Variants in OTUD7B observed in about 807,000 individuals in gnomAD.
The protein encoded by OTUD7B is OTU domain-containing protein 7B.
OTUD7B carries 34 observed loss-of-function variants against 82.2 expected under a neutral mutation model. The ratio of observed to expected loss-of-function variants is 0.41; its 90% CI spans 0.31 to 0.55. The LOEUF (loss-of-function observed/expected upper bound fraction) is 0.55. OTUD7B is among the 20% of genes least tolerant of loss of function. The pLI is 0.20. For missense variants in OTUD7B, 944 were observed against 1,062.1 expected, an observed-to-expected ratio of 0.89 and a Z score of 1.55; for synonymous variants, 398 against 402.7, an observed-to-expected ratio of 0.99 and a Z score of 0.14.
intron 6 of OTUD7B, among the ~76,000 whole-genome samples, chr1:149,960,304 T>C (rs149023558): frequency 4.4e-4 from 67 of 152,066 alleles, no homozygotes; most frequent in Middle Eastern, 3.4e-3. Flanking sequence ...TCTACTGCCA[T>C]AATCTCATCC....
chr1:150,035,071 G>A, the OTUD7B span, among the ~76,000 whole-genome samples: 6 of 151,420 alleles, frequency 4.0e-5, no homozygotes, highest in East Asian at 1.2e-3. Flanking sequence ...TTGAACCCAG[G>A]AGGCAGAGGT....
At chr1:150,053,944 GA>G in the OTUD7B span, 16 of 438,984 alleles carry the variant, frequency 3.6e-5, no homozygotes, top group Non-Finnish European at 5.2e-5. Flanking sequence ...GTGGCAAGGT[GA>G]AAAAGGGTAA....
the OTUD7B span, among the ~76,000 whole-genome samples, chr1:150,049,185 C>T: frequency 6.6e-6 from 1 of 152,242 alleles, no homozygotes; most frequent in Middle Eastern, 3.4e-3. Flanking sequence ...CTTTTCCAGA[C>T]AGTAGTAGTA....
chr1:149,951,590 T>C (rs1648258439), intron 7 of OTUD7B, among the ~76,000 whole-genome samples: 1 of 152,154 alleles, frequency 6.6e-6, no homozygotes, highest in South Asian at 2.1e-4. Context: ...ATACTCAATA[T>C]TCAATGGCTT....
Position 149,949,724 on chromosome 1 carries a change from C to A in OTUD7B, c.1028G>T (p.Ser343Ile). 1 of 1,614,160 alleles carries A rather than the reference C, an allele frequency of 6.2e-7. No individual in the cohort carries two copies. The highest frequency in any genetic ancestry group is 8.5e-7 in the Non-Finnish European group (1 of 1,180,026). Residue 343 changes from serine (S) to isoleucine (I), a missense_variant, in exon 9 of 12, where the codon AGC (serine) becomes ATC (isoleucine). This residue lies in a region of OTUD7B where 530 missense variants were observed against 625.6 expected (regional missense o/e 0.85). Coordinates refer to ENST00000581312, the MANE Select transcript of OTUD7B (RefSeq NM_020205.4). ...GIYLPLEVPA[S>I]QCHRSPLVLA... Reference sequence around the variant, plus strand: ...CACCAGAGGGGAGCGGTGACACTGGCTGGCTGGGACCTCCAAAGGCAGATA... The same window carrying A: ...CACCAGAGGGGAGCGGTGACACTGGATGGCTGGGACCTCCAAAGGCAGATA...
At chr1:150,056,424 T>TG in the OTUD7B span, among the ~76,000 whole-genome samples, 1 of 152,218 alleles carries the variant, frequency 6.6e-6, no homozygotes, top group Non-Finnish European at 1.5e-5. Context: ...TTCCATTTGT[T>TG]GATGAGGAAA....
At chr1:149,980,308 C>T (rs1461209215) in intron 1 of OTUD7B, among the ~76,000 whole-genome samples, 3 of 151,680 alleles carry the variant, frequency 2.0e-5, no homozygotes, top group Non-Finnish European at 2.9e-5. Flanking sequence ...CAGGTGCATG[C>T]TGTGGACCCT....
the OTUD7B span, among the ~76,000 whole-genome samples, chr1:150,049,084 T>A: frequency 6.6e-6 from 1 of 152,162 alleles, no homozygotes; most frequent in Admixed American, 6.6e-5. Context: ...GTGATCCGTC[T>A]GCCTCAGCCT....
chr1:150,015,890 G>A, the OTUD7B span, among the ~76,000 whole-genome samples: 5 of 152,264 alleles, frequency 3.3e-5, no homozygotes, highest in East Asian at 3.9e-4. Context: ...TGACCAATTC[G>A]AGATGTGAGA....
the OTUD7B span, among the ~76,000 whole-genome samples, chr1:150,062,708 CTTTTTTTTTT>C: frequency 2.1e-5 from 2 of 96,056 alleles, no homozygotes; most frequent in South Asian, 3.4e-4. Flanking sequence ...CTTCTTCTTT[CTTTTTTTTTT>C]TTTTTTTTTT....
At chr1:150,020,109 C>A in the OTUD7B span, among the ~76,000 whole-genome samples, 1 of 152,204 alleles carries the variant, frequency 6.6e-6, no homozygotes. Flanking sequence ...ACCTGGGTGA[C>A]GGAGTGAAAC....
In OTUD7B at chr1:149,971,189, C is replaced by T; in HGVS notation, c.148G>A (p.Gly50Arg). The T allele has an allele frequency of 6.2e-7, 1 of 1,613,742 alleles. No homozygotes were observed. The highest frequency in any genetic ancestry group is 8.5e-7 in the Non-Finnish European group (1 of 1,179,712). ...TCACTAAAGGATGGGGGTAGGTTTCCAGCATGGACTTGACGTAGCTGTTCA... is the reference window on the plus strand; with the variant it reads ...TCACTAAAGGATGGGGGTAGGTTTCTAGCATGGACTTGACGTAGCTGTTCA... ...DFEQLRQVHA[G>R]NLPPSFSEGS... Residue 50 changes from glycine (G) to arginine (R), a missense_variant, in exon 3 of 12, where the codon GGA becomes AGA. Physicochemically the swap from Gly to Arg is moderately radical, Grantham distance 125. Transcript: ENST00000581312.
chr1:149,953,599 T>C (rs180882054), intron 7 of OTUD7B, among the ~76,000 whole-genome samples: 2,731 of 152,232 alleles, frequency 0.018, 66 homozygotes, highest in African/African-American at 0.059. Flanking sequence ...TCATTGGTGG[T>C]TTGATGGGGA....
intron 1 of OTUD7B, among the ~76,000 whole-genome samples, chr1:149,984,127 CTCAA>C (rs1466600368): frequency 2.0e-5 from 3 of 152,158 alleles, no homozygotes; most frequent in Admixed American, 6.5e-5. Context: ...GCTTTAGTAC[CTCAA>C]TCAATCTTCT....
intron 3 of OTUD7B, among the ~76,000 whole-genome samples, chr1:149,968,328 A>G (rs1227990845): frequency 1.3e-5 from 2 of 152,006 alleles, no homozygotes; most frequent in African/African-American, 2.4e-5. Context: ...TCCTACATCA[A>G]TAACATTAAT....
chr1:150,044,396 TG>T, the OTUD7B span, among the ~76,000 whole-genome samples: 1 of 151,712 alleles, frequency 6.6e-6, no homozygotes, highest in Non-Finnish European at 1.5e-5. Context: ...TTAGTAGAGA[TG>T]GGATTTCACC....
the OTUD7B span, among the ~76,000 whole-genome samples, chr1:150,047,139 C>T: frequency 3.9e-5 from 6 of 152,142 alleles, no homozygotes; most frequent in Admixed American, 6.6e-5. Flanking sequence ...TTCCATCTTC[C>T]GCTGTCAATC....
Position 149,948,957 on chromosome 1 carries a change from G to A in OTUD7B, c.1238+12C>T. 2 of 1,534,566 alleles carry A rather than the reference G, an allele frequency of 1.3e-6. 1 individual carries two copies. The highest frequency in any genetic ancestry group is 1.8e-6 in the Non-Finnish European group (2 of 1,107,622). On this transcript the variant is annotated intron_variant, in intron 10 of 11. Transcript: ENST00000581312. ...CAGCACAAAATAGATGAAAAGACTA[G>A]GCCTGGCTTACCTGGCCAATCGGAC... is the stretch of plus-strand genomic sequence containing the variant.
the OTUD7B span, among the ~76,000 whole-genome samples, chr1:150,021,691 T>A: frequency 6.6e-5 from 10 of 152,198 alleles, no homozygotes; most frequent in African/African-American, 2.4e-4. Flanking sequence ...GGAATCCAAG[T>A]TCTAGTGCTC....
Sources: allele counts gnomAD v4.1 joint callset (sites outside exome capture counted in the v4.1 genomes callset), GRCh38; gene constraint gnomAD v4.1.1; regional missense constraint gnomAD v4.1.1; transcripts MANE v1.5; gene names NCBI Gene and HGNC (gene_info 2026-07-23, HGNC 2026-07-21).